The following CPB2 variants were observed in gnomAD, a reference collection of about 807,000 sequenced individuals.
CPB2 encodes the protein carboxypeptidase B2.
CPB2 carries 54 observed loss-of-function variants against 57.0 expected under a neutral mutation model. The ratio of observed to expected loss-of-function variants is 0.95; its 90% CI spans 0.76 to 1.19. CPB2 has a LOEUF of 1.19. Ranked by LOEUF, CPB2 falls within the 50% of genes most tolerant of loss-of-function variation. CPB2 has a pLI of 0.00. For missense variants in CPB2, 426 were observed against 512.0 expected, an observed-to-expected ratio of 0.83 and a Z score of 1.62; for synonymous variants, 189 against 178.1, an observed-to-expected ratio of 1.06 and a Z score of -0.49.
chr13:46,081,935 A>G (rs552294454), intron 4 of CPB2, among the ~76,000 whole-genome samples: 3 of 152,328 alleles, frequency 2.0e-5, no homozygotes, highest in East Asian at 1.9e-4. Flanking sequence ...AAAAAATCCA[A>G]TTTCTTACAG....
At chr13:46,075,949 A>G (rs7335921) in intron 5 of CPB2, among the ~76,000 whole-genome samples, 2,005 of 152,316 alleles carry the variant, frequency 0.013, 42 homozygotes, top group African/African-American at 0.046. Flanking sequence ...ATCCAATCCA[A>G]GTTAGGTTAA....
At chr13:46,095,321 TAA>T (rs35255859) in intron 1 of CPB2, among the ~76,000 whole-genome samples, 2,622 of 149,680 alleles carry the variant, frequency 0.018, 63 homozygotes, top group African/African-American at 0.056. Context: ...ATATCAAAAT[TAA>T]AAAAAAAAAA....
chr13:46,076,144 C>A (rs2139380169), intron 5 of CPB2, among the ~76,000 whole-genome samples: 1 of 152,110 alleles, frequency 6.6e-6, no homozygotes, highest in Non-Finnish European at 1.5e-5. Flanking sequence ...GAAGTACTAA[C>A]CAGAGCAAAC....
intron 6 of CPB2, among the ~76,000 whole-genome samples, chr13:46,067,797 A>G (rs2044878759): frequency 6.6e-6 from 1 of 152,194 alleles, no homozygotes; most frequent in South Asian, 2.1e-4. Flanking sequence ...ACTACCTACC[A>G]TGTTTTATCC....
intron 4 of CPB2, among the ~76,000 whole-genome samples, chr13:46,079,445 C>T (rs538430515): frequency 6.0e-5 from 9 of 150,970 alleles, no homozygotes; most frequent in African/African-American, 2.2e-4. Context: ...CAATTATCCC[C>T]CCAAGAAGTA....
chr13:46,066,239 A>G (rs917815340), intron 7 of CPB2, among the ~76,000 whole-genome samples: 3 of 152,176 alleles, frequency 2.0e-5, no homozygotes, highest in Admixed American at 6.5e-5. Context: ...TTATGTTTCT[A>G]TGTGCCCCTC....
intron 1 of CPB2, among the ~76,000 whole-genome samples, chr13:46,104,132 T>G (rs1357077679): frequency 6.6e-6 from 1 of 152,204 alleles, no homozygotes; most frequent in Admixed American, 6.5e-5. Context: ...TCCTTGTCAC[T>G]GGTATATTCC....
At chr13:46,072,246 A>G (rs2044953621) in intron 6 of CPB2, among the ~76,000 whole-genome samples, 1 of 152,204 alleles carries the variant, frequency 6.6e-6, no homozygotes, top group Admixed American at 6.5e-5. Flanking sequence ...GAAAAGAGTG[A>G]GAGACTTAAA....
At chr13:46,090,691 A>C (rs2045279776) in intron 1 of CPB2, among the ~76,000 whole-genome samples, 1 of 148,214 alleles carries the variant, frequency 6.7e-6, no homozygotes, top group Non-Finnish European at 1.5e-5. Context: ...GCCTTTCCAA[A>C]AGTTTTACAA....
intron 8 of CPB2, among the ~76,000 whole-genome samples, chr13:46,059,577 TATCATCATCATCATCATCATCATC>T (rs10571812): frequency 4.7e-5 from 7 of 150,140 alleles, no homozygotes; most frequent in Admixed American, 4.6e-4. Context: ...TGTTGCTGTT[TATCATCATCATCATCATCATCATC>T]ATCATCATCA....
At chr13:46,099,331 A>G (rs766735444) in intron 1 of CPB2, 1 of 152,228 alleles carries the variant, frequency 6.6e-6, no homozygotes, top group Non-Finnish European at 1.5e-5. Flanking sequence ...AGGGTCTTAA[A>G]TGCTGGGGTC....
chr13:46,065,727 G>A (rs1048288154), intron 7 of CPB2, among the ~76,000 whole-genome samples: 59 of 148,866 alleles, frequency 4.0e-4, no homozygotes, highest in African/African-American at 1.3e-3. Context: ...CCAACCCTCC[G>A]CCAAGCCTTC....
chr13:46,084,996 G>A (rs1442973653), intron 2 of CPB2, among the ~76,000 whole-genome samples: 2 of 151,742 alleles, frequency 1.3e-5, no homozygotes, highest in South Asian at 2.1e-4. Context: ...GACTACAGGC[G>A]CCCGCCACCA....
At chr13:46,104,336 G>T (rs1221694971) in intron 1 of CPB2, among the ~76,000 whole-genome samples, 1 of 152,120 alleles carries the variant, frequency 6.6e-6, no homozygotes, top group Non-Finnish European at 1.5e-5. Context: ...ATATACCCTG[G>T]AACTATTTTC....
Position 46,055,751 on chromosome 13 carries a change from G to T in CPB2, c.1087+11C>A. On this transcript the variant is annotated intron_variant, in intron 10 of 10. Transcript: ENST00000181383. ...TCAAAGTTCTCTAAGATCATAAGAA[G>T]AAATACTTACATAAGGTTTCTGAGC... 1.3e-6 allele frequency: 2 copies of T among 1,497,112 alleles called. No individual in the cohort carries two copies. The highest frequency in any genetic ancestry group is 1.8e-5 in the Admixed American group (1 of 55,440). The allele number at this position is 1,497,112 out of a possible 1,614,324, so 92.7% of individuals were successfully genotyped here. A position where few individuals can be genotyped will look rare whatever the true frequency, so the allele number is the denominator to read the frequency against.
intron 7 of CPB2, among the ~76,000 whole-genome samples, chr13:46,066,513 GC>G (rs1337894713): frequency 6.6e-6 from 1 of 152,132 alleles, no homozygotes; most frequent in African/African-American, 2.4e-5. Flanking sequence ...TAATGTAAGA[GC>G]CTTATTTGGA....
rs138915410 is a variant in CPB2, at chr13:46,103,205, G to A, written c.74+1731C>T. On this transcript the variant is annotated intron_variant, in intron 1 of 10. Transcript: ENST00000181383. ...GGGTTACTCTACGATCAAGATGGCG[G>A]TCTGCAGTGAGCCCACCTGCCCGCC... Among the ~76,000 whole-genome samples, 726 of 152,320 alleles carry A rather than the reference G, an allele frequency of 4.8e-3. 2 individuals are homozygous for A. Among genetic ancestry groups the A allele is most frequent in the African/African-American group, 0.017 (686 of 41,566 alleles).
intron 5 of CPB2, among the ~76,000 whole-genome samples, chr13:46,076,154 CA>C (rs1333040241): frequency 2.0e-5 from 3 of 151,982 alleles, no homozygotes; most frequent in Non-Finnish European, 4.4e-5. Context: ...CCAGAGCAAA[CA>C]GGTAAGAGAA....
intron 6 of CPB2, among the ~76,000 whole-genome samples, chr13:46,068,699 C>A (rs9567611): frequency 1.4e-5 from 2 of 146,024 alleles, no homozygotes; most frequent in Admixed American, 6.8e-5. Flanking sequence ...CCTAGCCCCC[C>A]ACCCCCGACA....
Sources: allele counts gnomAD v4.1 joint callset (sites outside exome capture counted in the v4.1 genomes callset), GRCh38; gene constraint gnomAD v4.1.1; transcripts MANE v1.5; gene names NCBI Gene and HGNC (gene_info 2026-07-23, HGNC 2026-07-21).